The following STON2 variants were observed in gnomAD, a reference collection of about 807,000 sequenced individuals.
The protein encoded by STON2 is stonin 2.
STON2 carries 29 observed loss-of-function variants against 65.7 expected under a neutral mutation model. The ratio of observed to expected loss-of-function variants is 0.44; its 90% CI spans 0.33 to 0.60. STON2 has a LOEUF of 0.60. Among genes scored for constraint, STON2 ranks in the 20% least tolerant of loss-of-function variants. STON2 has a pLI of 0.03. For synonymous variants in STON2, 404 were observed against 414.2 expected (o/e 0.98, Z 0.30); for missense variants, 1,054 against 1,118.1 (o/e 0.94, Z 0.82).
chr14:81,306,317 C>A (rs1177721514), intron 5 of STON2, among the ~76,000 whole-genome samples: 1 of 144,946 alleles, frequency 6.9e-6, no homozygotes, highest in Non-Finnish European at 1.5e-5. Context: ...GCAACCTTCA[C>A]CTCCCGGGTT....
chr14:81,305,641 C>T (rs1195125227), intron 5 of STON2, among the ~76,000 whole-genome samples: 2 of 151,878 alleles, frequency 1.3e-5, no homozygotes, highest in Non-Finnish European at 2.9e-5. Flanking sequence ...ATATCTCCTC[C>T]TCTTATGCTG....
chr14:81,346,177 T>C (rs1470148090), intron 4 of STON2, among the ~76,000 whole-genome samples: 4 of 152,186 alleles, frequency 2.6e-5, no homozygotes, highest in African/African-American at 9.6e-5. Context: ...TTAACTCTCA[T>C]TTTTTGGGAA....
chr14:81,382,004 G>A (rs1233425239), intron 3 of STON2, among the ~76,000 whole-genome samples: 1 of 152,088 alleles, frequency 6.6e-6, no homozygotes, highest in Non-Finnish European at 1.5e-5. Flanking sequence ...CGGATTACGA[G>A]GTCAGGAGTT....
intron 3 of STON2, among the ~76,000 whole-genome samples, chr14:81,376,260 A>T (rs1236797745): frequency 5.3e-5 from 8 of 151,938 alleles, no homozygotes; most frequent in African/African-American, 1.9e-4. Flanking sequence ...TAATAGAATT[A>T]AAAAGAGTGC....
chr14:81,390,204 A>G (rs1401486971), intron 3 of STON2, among the ~76,000 whole-genome samples: 1 of 152,066 alleles, frequency 6.6e-6, no homozygotes, highest in African/African-American at 2.4e-5. Flanking sequence ...AAAAAAAAAA[A>G]AAAAGAAAAA....
chr14:81,360,187 G>T (rs1898427707), intron 4 of STON2, among the ~76,000 whole-genome samples: 1 of 152,146 alleles, frequency 6.6e-6, no homozygotes, highest in South Asian at 2.1e-4. Flanking sequence ...AATGAGGCCA[G>T]CATAGCTCTT....
intron 3 of STON2, among the ~76,000 whole-genome samples, chr14:81,378,682 C>A (rs1178264352): frequency 6.6e-6 from 1 of 152,132 alleles, no homozygotes; most frequent in African/African-American, 2.4e-5. Context: ...TATAGCTATT[C>A]TGTATACAAC....
intron 2 of STON2, among the ~76,000 whole-genome samples, chr14:81,424,451 A>T (rs77193178): frequency 0.021 from 3,237 of 152,126 alleles, 128 homozygotes; most frequent in East Asian, 0.17. Flanking sequence ...ATCAAAAAAA[A>T]ATATTTTTCT....
intron 4 of STON2, among the ~76,000 whole-genome samples, chr14:81,366,686 G>A (rs1247700617): frequency 1.3e-5 from 2 of 152,006 alleles, no homozygotes; most frequent in Non-Finnish European, 2.9e-5. Context: ...ACTGCTTGCT[G>A]CTGAGAAATG....
chr14:81,341,456 T>G (rs1461677309), intron 4 of STON2, among the ~76,000 whole-genome samples: 2 of 118,948 alleles, frequency 1.7e-5, no homozygotes, highest in Non-Finnish European at 3.2e-5. Context: ...GTTTTTTTTT[T>G]GTTTTTTTTT....
At chr14:81,289,538 G>A (rs1895473238) in intron 5 of STON2, among the ~76,000 whole-genome samples, 1 of 152,196 alleles carries the variant, frequency 6.6e-6, no homozygotes, top group South Asian at 2.1e-4. Flanking sequence ...AGGGCAAGGA[G>A]TGGGTACAAG....
At chr14:81,273,585 A>C (rs892818247) in intron 6 of STON2, among the ~76,000 whole-genome samples, 2 of 152,124 alleles carry the variant, frequency 1.3e-5, no homozygotes, top group African/African-American at 4.8e-5. Flanking sequence ...GTCCTTGGAG[A>C]GCTCAGAGAG....
rs1421890165 is a variant in STON2 at position 81,324,177 on chromosome 14, C to T, written c.582G>A (p.Thr194=). The change falls in exon 5 of 8, where the codon ACG becomes ACA. Residue 194 remains threonine, a synonymous_variant. Coordinates refer to ENST00000614646, the MANE Select transcript of STON2 (RefSeq NM_001394390.1). ...ASGADSTDKR[T]EWQTGRQTAV... is the part of the protein sequence containing the mutation. Reference sequence around the variant, plus strand: ...CCGTCTGCCTGCCTGTCTGCCACTCCGTCCTCTTGTCTGGGTGGGAAGGGC... The same window carrying T: ...CCGTCTGCCTGCCTGTCTGCCACTCTGTCCTCTTGTCTGGGTGGGAAGGGC... 2.6e-5 allele frequency among the ~76,000 whole-genome samples: 4 copies of T among 152,098 alleles called. No individual in the cohort carries two copies. Among genetic ancestry groups the T allele is most frequent in the African/African-American group, 4.8e-5 (2 of 41,394 alleles).
intron 1 of STON2, among the ~76,000 whole-genome samples, chr14:81,431,690 A>T (rs941380443): frequency 2.6e-5 from 4 of 151,860 alleles, no homozygotes; most frequent in Non-Finnish European, 5.9e-5. Flanking sequence ...AGGCAAGAGA[A>T]TTGCTTGAAC....
chr14:81,287,350 G>A (rs559186198), intron 5 of STON2, among the ~76,000 whole-genome samples: 50 of 152,282 alleles, frequency 3.3e-4, no homozygotes, highest in African/African-American at 8.7e-4. Flanking sequence ...TGTCCAGGAC[G>A]GAGGATGCTT....
intron 1 of STON2, among the ~76,000 whole-genome samples, chr14:81,399,666 C>T (rs1900504111): frequency 6.6e-6 from 1 of 152,164 alleles, no homozygotes; most frequent in African/African-American, 2.4e-5. Flanking sequence ...TTCAGAAACA[C>T]ATTTTCATAC....
chr14:81,430,903 T>G (rs908988864), intron 1 of STON2, among the ~76,000 whole-genome samples: 2 of 152,252 alleles, frequency 1.3e-5, no homozygotes, highest in South Asian at 2.1e-4. Context: ...TCCCCCTGGC[T>G]GGTTTAAGTG....
At chr14:81,271,264 T>C (rs1480863875) in intron 6 of STON2, among the ~76,000 whole-genome samples, 1 of 152,248 alleles carries the variant, frequency 6.6e-6, no homozygotes, top group East Asian at 1.9e-4. Context: ...GACAGCTTCC[T>C]GGAGCAAATC....
At position 81,266,226 on chromosome 14, in the gene STON2, T is replaced by C. The variant is rs1291392092; in HGVS notation, c.*2188A>G. The C allele has an allele frequency of 2.1e-5, 9 of 421,750 alleles. No individual in the cohort carries two copies. The highest frequency in any genetic ancestry group is 2.0e-4 in the South Asian group (2 of 10,040). The allele number at this position is 421,750 out of a possible 1,614,324, so 26.1% of individuals were successfully genotyped here. On this transcript the variant is annotated 3_prime_UTR_variant, in exon 8 of 8. Coordinates refer to ENST00000614646, the MANE Select transcript of STON2 (RefSeq NM_001394390.1). ...GTGGGATAGGTGGTTATTTTAACTG[T>C]TGGGCATTCACAGGAACAGGAAATC... is the stretch of plus-strand genomic sequence containing the variant.
Sources: allele counts gnomAD v4.1 joint callset (sites outside exome capture counted in the v4.1 genomes callset), GRCh38; gene constraint gnomAD v4.1.1; transcripts MANE v1.5; gene names NCBI Gene and HGNC (gene_info 2026-07-23, HGNC 2026-07-21).